The following ZSCAN20 variants were observed in gnomAD, a reference collection of about 807,000 sequenced individuals.
The protein encoded by ZSCAN20 is zinc finger and SCAN domain containing 20, also known as zinc finger and SCAN domain-containing protein 20.
ZSCAN20 carries 39 observed loss-of-function variants against 97.1 expected under a neutral mutation model. The observed-to-expected ratio is 0.40, with a 90% CI of 0.31 to 0.52. The LOEUF is 0.52. Ranked by LOEUF, ZSCAN20 falls within the 20% of genes least tolerant of loss-of-function variation. ZSCAN20 has a pLI of 0.49. For missense variants in ZSCAN20, 1,115 were observed against 1,290.4 expected (o/e 0.86, Z 2.08); for synonymous variants, 456 against 467.3 (o/e 0.98, Z 0.31).
rs1225648621 is a variant in ZSCAN20 at position 33,491,020 on chromosome 1, T to G, written c.767-5T>G. 1 of 1,589,284 alleles carries G rather than the reference T, an allele frequency of 6.3e-7. No homozygotes were observed. Among genetic ancestry groups the G allele is most frequent in the Admixed American group, 1.9e-5 (1 of 53,958 alleles). On this transcript the variant is annotated splice_region_variant and splice_polypyrimidine_tract_variant and intron_variant, in intron 5 of 7. Transcript: ENST00000684572. This position sits in a 1 kb window ranked among gnomAD's most constrained non-coding sequence, Gnocchi z 4.3. ...TCTACTCTGTCATTTCTCTTCCTTT[T>G]GTAGGAGTTCCAGTTTCAAAACCAA...
In ZSCAN20 at chr1:33,479,422, C is replaced by T. The variant is rs1382672426; in HGVS notation, c.134C>T (p.Ser45Phe). 1.9e-6 allele frequency: 3 copies of T among 1,614,276 alleles called. No homozygotes were observed. In the Admixed American group the frequency reaches 5.0e-5, roughly 27 times the overall value. Residue 45 changes from serine to phenylalanine, a missense_variant, in exon 2 of 8, where the codon TCT becomes TTT. Physicochemically the swap from Ser to Phe is radical, Grantham distance 155. Coordinates refer to ENST00000684572, the MANE Select transcript of ZSCAN20 (RefSeq NM_001377376.1). Reference sequence around the variant, plus strand: ...TGGGAGAAGGACCGTGGCTCTGTCTCTGGCCCAGAGGCCTCCCGCCAGCGC... The same window carrying T: ...TGGGAGAAGGACCGTGGCTCTGTCTTTGGCCCAGAGGCCTCCCGCCAGCGC... ...KLWEKDRGSV[S>F]GPEASRQRFR...
intron 1 of ZSCAN20, among the ~76,000 whole-genome samples, chr1:33,478,207 A>T (rs550558258): frequency 1.3e-5 from 2 of 152,158 alleles, no homozygotes; most frequent in Non-Finnish European, 2.9e-5. Context: ...TTGTGCAAAC[A>T]ATAGAGCAGA....
At chr1:33,474,612 A>G (rs537553624) in intron 1 of ZSCAN20, among the ~76,000 whole-genome samples, 1 of 152,332 alleles carries the variant, frequency 6.6e-6, no homozygotes, top group Non-Finnish European at 1.5e-5. Flanking sequence ...GAGCTTTGAG[A>G]TCACTTAGCT....
chr1:33,492,966 C>T (rs1434020833), intron 6 of ZSCAN20, among the ~76,000 whole-genome samples: 2 of 152,074 alleles, frequency 1.3e-5, no homozygotes, highest in African/African-American at 4.8e-5. Flanking sequence ...TCAGCCAAGA[C>T]TTGAAGTGTT....
In ZSCAN20 at chr1:33,494,733, G is replaced by A. The variant is rs1652783486; in HGVS notation, c.2389G>A (p.Gly797Arg). The change falls in exon 8 of 8, where the codon GGA becomes AGA. Residue 797 changes from glycine to arginine, a missense_variant. Around this residue, in one of 3 missense-constraint regions of ZSCAN20, gnomAD observed 554 missense variants for 584.9 expected, o/e 0.95. Transcript: ENST00000684572. ...CACGGGGGAAAAGCCCTATAAATGT[G>A]GAGAATGTTGGAAAAGCTTCAACCA... ...IHTGEKPYKC[G>R]ECWKSFNQSS... 2 of 1,613,902 alleles carry A rather than the reference G, an allele frequency of 1.2e-6. No homozygotes were observed. The highest frequency in any genetic ancestry group is 2.7e-5 in the African/African-American group (2 of 74,872).
At position 33,476,480 on chromosome 1, in the gene ZSCAN20, A is replaced by G. The variant is rs146060598; in HGVS notation, c.-110-2699A>G. ...GGCCTGGTGTGACTGCTAATTGCCTATTTTGTTGTAGTGTCCTGTTTGTGC... is the reference window on the plus strand; with the variant it reads ...GGCCTGGTGTGACTGCTAATTGCCTGTTTTGTTGTAGTGTCCTGTTTGTGC... On this transcript the variant is annotated intron_variant, in intron 1 of 7. Coordinates refer to ENST00000684572, the MANE Select transcript of ZSCAN20 (RefSeq NM_001377376.1). Among the ~76,000 whole-genome samples the G allele has an allele frequency of 5.9e-5, 9 of 152,242 alleles. No homozygotes were observed. In the East Asian group the frequency reaches 7.7e-4, roughly 13 times the overall value.
chr1:33,494,363 T>G lies in ZSCAN20; in HGVS notation c.2019T>G (p.Asp673Glu). ...AAGACAGTGAAAATGAAAATGAAGA[T>G]GAAGGGCAGTGGGGAAATCCCTCAC... Reference protein sequence around the residue: ...WGEDSENENEDEGQWGNPSQE... With the variant: ...WGEDSENENEEEGQWGNPSQE... The change falls in exon 8 of 8, where the codon GAT becomes GAG. Residue 673 changes from aspartate (D) to glutamate (E), a missense_variant. This residue lies in a region of ZSCAN20 where 554 missense variants were observed against 584.9 expected (regional missense o/e 0.95). Transcript: ENST00000684572. The G allele has an allele frequency of 6.2e-7, 1 of 1,614,182 alleles. No homozygotes were observed. The highest frequency in any genetic ancestry group is 8.5e-7 in the Non-Finnish European group (1 of 1,180,030).
intron 5 of ZSCAN20, 26 bp downstream of exon 5, chr1:33,489,628 G>T: frequency 6.2e-7 from 1 of 1,606,496 alleles, no homozygotes; most frequent in Non-Finnish European, 8.5e-7. Flanking sequence ...CTCTGAAGGT[G>T]ATGTTGTCAT....
rs201693798 is a variant in ZSCAN20 at position 33,489,593 on chromosome 1, G to A, written c.757G>A (p.Val253Met). The change falls in exon 5 of 8, where the codon GTG becomes ATG. Residue 253 changes from valine to methionine, a missense_variant. By Grantham distance (21) the Val-to-Met change is conservative. Transcript: ENST00000684572. ...DPPGDDCGNSVCLGVPVSKPS... is the reference protein window; with the variant it reads ...DPPGDDCGNSMCLGVPVSKPS... ...CCCAGGAGACGACTGTGGGAACAGC[G>A]TGTGCCTGGGTAAGGAGACGTACCC... 273 of 1,613,948 alleles carry A rather than the reference G, an allele frequency of 1.7e-4. 2 individuals carry two copies. The highest frequency in any genetic ancestry group is 1.5e-4 in the African/African-American group (11 of 74,920).
chr1:33,484,951 G>T (rs992005809), intron 2 of ZSCAN20, among the ~76,000 whole-genome samples: 9 of 152,084 alleles, frequency 5.9e-5, no homozygotes, highest in African/African-American at 1.9e-4. Context: ...GAGGAATATT[G>T]GTTTGTAGCT....
In ZSCAN20 at chr1:33,494,170, C is replaced by T. The variant is rs186222532; in HGVS notation, c.1874-48C>T. ...ACAGACACACACAAACACACACACA[C>T]GCGCGCTAATGAGTGAAGAAAAACT... On this transcript the variant is annotated intron_variant, in intron 7 of 7. Transcript: ENST00000684572. 1.7e-4 allele frequency: 247 copies of T among 1,495,136 alleles called. 3 individuals carry two copies. The African/African-American group carries it at 2.0e-3, about 12-fold the overall frequency. 92.6% of individuals were successfully genotyped at this position (1,495,136 alleles called of 1,614,324 possible).
intron 1 of ZSCAN20, among the ~76,000 whole-genome samples, chr1:33,477,078 A>G (rs912036365): frequency 3.9e-5 from 6 of 152,210 alleles, no homozygotes; most frequent in Admixed American, 1.3e-4. Context: ...TAATACCTAT[A>G]TTAGAGGTAT....
At chr1:33,480,116 C>A (rs1358845345) in intron 2 of ZSCAN20, among the ~76,000 whole-genome samples, 1 of 152,220 alleles carries the variant, frequency 6.6e-6, no homozygotes, top group Non-Finnish European at 1.5e-5. Context: ...TTATACTTAA[C>A]AAAATCTTTC....
At chr1:33,485,270 G>A (rs10753286) in intron 2 of ZSCAN20, among the ~76,000 whole-genome samples, 116,953 of 152,102 alleles carry the variant, frequency 0.77, 45,294 homozygotes, top group African/African-American at 0.82. Flanking sequence ...CATCTAGGTT[G>A]TCAAGTGTGT....
chr1:33,495,391 A>T lies in ZSCAN20; in HGVS notation c.3047A>T (p.Lys1016Met), dbSNP rs759079140. 2.5e-6 allele frequency: 4 copies of T among 1,607,446 alleles called. No homozygotes were observed. The African/African-American group carries it at 5.3e-5, about 21-fold the overall frequency. Residue 1016 changes from lysine (K) to methionine (M), a missense_variant, in exon 8 of 8, where the codon AAG becomes ATG. Lys to Met is a moderately conservative substitution (Grantham distance 95). Around this residue, in one of 3 missense-constraint regions of ZSCAN20, gnomAD observed 554 missense variants for 584.9 expected, o/e 0.95. Coordinates refer to ENST00000684572, the MANE Select transcript of ZSCAN20 (RefSeq NM_001377376.1). ...QRIHTGEKPY[K>M]CTECGKDFNN... ...ATCCACACAGGGGAGAAACCCTACA[A>T]GTGCACAGAGTGTGGCAAAGACTTC...
rs187108268 is a variant in ZSCAN20 at position 33,477,169 on chromosome 1, C to T, written c.-110-2010C>T. On this transcript the variant is annotated intron_variant, in intron 1 of 7. Coordinates refer to ENST00000684572, the MANE Select transcript of ZSCAN20 (RefSeq NM_001377376.1). ...ATGAAAAGGGCATGTCAAGGAACTC[C>T]TATCAAAGGAGGTGACATTTGAGCT... Among the ~76,000 whole-genome samples the T allele has an allele frequency of 2.1e-4, 32 of 152,194 alleles. No individual in the cohort carries two copies. The East Asian group carries it at 6.2e-3, about 29-fold the overall frequency.
chr1:33,495,486 T>G lies in ZSCAN20; in HGVS notation c.*10T>G. The G allele has an allele frequency of 6.7e-7, 1 of 1,502,838 alleles. No homozygotes were observed. The highest frequency in any genetic ancestry group is 8.9e-7 in the Non-Finnish European group (1 of 1,125,126). 93.1% of individuals were successfully genotyped at this position (1,502,838 alleles called of 1,614,324 possible). ...AGGGAAGGCGTCGTAGGGGACAGTT[T>G]CCTCAACAACAAAGGAGGACTCAAT... On this transcript the variant is annotated 3_prime_UTR_variant, in exon 8 of 8. Transcript: ENST00000684572.
rs1652591124 is a variant in ZSCAN20 at position 33,491,210 on chromosome 1, G to C, written c.952G>C (p.Asp318His). The C allele has an allele frequency of 6.2e-7, 1 of 1,614,176 alleles. No individual in the cohort carries two copies. The highest frequency in any genetic ancestry group is 8.5e-7 in the Non-Finnish European group (1 of 1,180,042). ...GGAACAATACCAGTGGGATGTGGAG[G>C]ACATGAAGGTGTCAGGTGTTCACTG... ...WEEQYQWDVE[D>H]MKVSGVHWGY... The change falls in exon 6 of 8, where the codon GAC (aspartate) becomes CAC (histidine). Residue 318 changes from aspartate (D) to histidine (H), a missense_variant. Coordinates refer to ENST00000684572, the MANE Select transcript of ZSCAN20 (RefSeq NM_001377376.1). This position sits in a 1 kb window ranked among gnomAD's most constrained non-coding sequence, Gnocchi z 4.3.
rs1398658763 is a variant in ZSCAN20 at position 33,494,520 on chromosome 1, A to T, written c.2176A>T (p.Ile726Phe). ...GAGCTTCAGTCGGAGCTCCCACTTC[A>T]TTGCCCATCAGCGAATCCACACAGG... ...MKSFSRSSHFIAHQRIHTGEK... is the reference protein window; with the variant it reads ...MKSFSRSSHFFAHQRIHTGEK... Residue 726 changes from isoleucine (I) to phenylalanine (F), a missense_variant, in exon 8 of 8, where the codon ATT becomes TTT. Around this residue, in one of 3 missense-constraint regions of ZSCAN20, gnomAD observed 554 missense variants for 584.9 expected, o/e 0.95. Coordinates refer to ENST00000684572, the MANE Select transcript of ZSCAN20 (RefSeq NM_001377376.1). The T allele has an allele frequency of 6.2e-7, 1 of 1,614,240 alleles. No homozygotes were observed.
Sources: allele counts gnomAD v4.1 joint callset (sites outside exome capture counted in the v4.1 genomes callset), GRCh38; gene constraint gnomAD v4.1.1; regional missense constraint gnomAD v4.1.1; non-coding constraint Gnocchi (gnomAD v3.1); transcripts MANE v1.5; gene names NCBI Gene and HGNC (gene_info 2026-07-23, HGNC 2026-07-21).